NFXL1: variants seen among roughly 807,000 people sequenced by gnomAD.
The protein encoded by NFXL1 is nuclear transcription factor, X-box binding like 1, also known as NF-X1-type zinc finger protein NFXL1.
In NFXL1, 66 loss-of-function variants were observed where a neutral mutation model predicts 123.3. The observed-to-expected ratio is 0.54, with a 90% CI of 0.44 to 0.66. The LOEUF (loss-of-function observed/expected upper bound fraction) is 0.66, where lower values mean the gene tolerates loss of function less well. NFXL1 is among the 30% of genes least tolerant of loss of function. NFXL1 has a pLI of 0.00. For synonymous variants in NFXL1, 346 were observed against 360.8 expected, an observed-to-expected ratio of 0.96 and a Z score of 0.46; for missense variants, 944 against 1,125.6, an observed-to-expected ratio of 0.84 and a Z score of 2.31.
At chr4:47,900,311 G>A (rs1737305400) in intron 5 of NFXL1, among the ~76,000 whole-genome samples, 1 of 152,082 alleles carries the variant, frequency 6.6e-6, no homozygotes, top group Non-Finnish European at 1.5e-5. Flanking sequence ...CTAGGTACAA[G>A]AAATTCTCGT....
chr4:47,901,484 T>A (rs1737353500), intron 5 of NFXL1, among the ~76,000 whole-genome samples: 1 of 152,108 alleles, frequency 6.6e-6, no homozygotes, highest in East Asian at 1.9e-4. Context: ...ATACATAAGG[T>A]TTAAATCTCT....
At chr4:47,862,818 C>T in intron 19 of NFXL1, 28 bp downstream of exon 19, 3 of 1,271,360 alleles carry the variant, frequency 2.4e-6, no homozygotes, top group South Asian at 2.6e-5. Flanking sequence ...CCAAGGAATA[C>T]AATTTAAAAG....
In NFXL1 at chr4:47,878,493, G is replaced by A. The variant is rs376928717; in HGVS notation, c.2079+32C>T. 1.4e-5 allele frequency: 21 copies of A among 1,467,340 alleles called. 1 individual carries two copies. The highest frequency in any genetic ancestry group is 3.7e-6 in the Non-Finnish European group (4 of 1,094,964). The allele number at this position is 1,467,340 out of a possible 1,614,324, so 90.9% of individuals were successfully genotyped here. On this transcript the variant is annotated intron_variant, in intron 17 of 22. Coordinates refer to ENST00000507489, the MANE Select transcript of NFXL1 (RefSeq NM_001278624.2). ...TGAAAAAACGTTTCAAGAATACTAT[G>A]GGCAGATATACATTCAATCTAAGAA... is the stretch of plus-strand genomic sequence containing the variant.
intron 14 of NFXL1, among the ~76,000 whole-genome samples, chr4:47,885,203 AG>A (rs1736352927): frequency 6.6e-6 from 1 of 152,000 alleles, no homozygotes; most frequent in South Asian, 2.1e-4. Flanking sequence ...CTTTAAAATA[AG>A]ATTATAGGAG....
In NFXL1 at chr4:47,914,018, G is replaced by A. The variant is rs995487782; in HGVS notation, c.186C>T (p.Ser62=). 3 of 1,548,524 alleles carry A rather than the reference G, an allele frequency of 1.9e-6. No individual in the cohort carries two copies. The change falls in exon 2 of 23, where the codon AGC becomes AGT. Residue 62 remains serine (S), a synonymous_variant. Coordinates refer to ENST00000507489, the MANE Select transcript of NFXL1 (RefSeq NM_001278624.2). ...CTTGGGATCCTGCGGGGCTGTGCCT[G>A]CTCCCTGCAGCCGCCGTGGTCGCGA... ...GGVATTAAAG[S]RHSPAGSQAL... is the part of the protein sequence containing the mutation.
chr4:47,912,557 C>T (rs1192691637), intron 2 of NFXL1, among the ~76,000 whole-genome samples: 1 of 149,170 alleles, frequency 6.7e-6, no homozygotes, highest in Non-Finnish European at 1.5e-5. Context: ...CTCCCGGGCT[C>T]ACGCCATTCT....
intron 3 of NFXL1, among the ~76,000 whole-genome samples, chr4:47,905,658 T>G (rs1737535264): frequency 6.7e-6 from 1 of 148,884 alleles, no homozygotes; most frequent in African/African-American, 2.5e-5. Flanking sequence ...AGCAGCAAGA[T>G]GTAAAGTCTT....
intron 19 of NFXL1, among the ~76,000 whole-genome samples, chr4:47,859,647 C>A (rs1032691436): frequency 6.6e-6 from 1 of 151,876 alleles, no homozygotes; most frequent in Non-Finnish European, 1.5e-5. Flanking sequence ...TCAAGACCAG[C>A]CTAGCCAACA....
chr4:47,854,957 G>C, intron 20 of NFXL1, 102 bp downstream of exon 20: 1 of 295,078 alleles, frequency 3.4e-6, no homozygotes, highest in Non-Finnish European at 6.0e-6. Flanking sequence ...AAAAAAAAAA[G>C]CCAAACAACT....
intron 19 of NFXL1, among the ~76,000 whole-genome samples, chr4:47,855,874 T>G: frequency 6.6e-6 from 1 of 152,152 alleles, no homozygotes; most frequent in East Asian, 1.9e-4. Context: ...AGCATTAAGA[T>G]GAAATGTTCA....
chr4:47,899,325 G>A (rs1438330782), intron 6 of NFXL1, 45 bp downstream of exon 6: 2 of 1,495,550 alleles, frequency 1.3e-6, no homozygotes, highest in Non-Finnish European at 1.8e-6. Context: ...AATATAAGAA[G>A]AAATAATCAC....
chr4:47,890,554 G>GA (rs373323033), intron 12 of NFXL1, 59 bp downstream of exon 12: 13,966 of 743,914 alleles, frequency 0.019, no homozygotes, highest in South Asian at 0.023. Context: ...TATTGACAAT[G>GA]AAAAAAAAAA....
chr4:47,899,135 A>G lies in NFXL1; in HGVS notation c.827-15T>C. ...AGGGCAGGGACCTAGAATTCAGTAAAAGCAAAAAAAAAAAAAAAAAAAAAA... is the reference window on the plus strand; with the variant it reads ...AGGGCAGGGACCTAGAATTCAGTAAGAGCAAAAAAAAAAAAAAAAAAAAAA... On this transcript the variant is annotated splice_polypyrimidine_tract_variant and intron_variant, in intron 6 of 22. Transcript: ENST00000507489. 7.2e-7 allele frequency: 1 copy of G among 1,395,584 alleles called. No individual in the cohort carries two copies. The highest frequency in any genetic ancestry group is 9.4e-7 in the Non-Finnish European group (1 of 1,066,252). 86.5% of individuals were successfully genotyped at this position (1,395,584 alleles called of 1,614,324 possible).
intron 17 of NFXL1, 112 bp downstream of exon 17, chr4:47,878,412 CA>C (rs552900260): frequency 4.9e-4 from 391 of 794,782 alleles, no homozygotes; most frequent in African/African-American, 4.9e-3. Flanking sequence ...GGGATGAGGG[CA>C]AAAAAAGAGA....
At chr4:47,884,473 G>T (rs112075301) in intron 14 of NFXL1, 36 bp from the exon 15 acceptor site, 1 of 1,295,376 alleles carries the variant, frequency 7.7e-7, no homozygotes, top group African/African-American at 1.5e-5. Flanking sequence ...TAAGTCAGAG[G>T]GATTAAATCA....
intron 22 of NFXL1, among the ~76,000 whole-genome samples, chr4:47,849,513 C>G (rs1291846354): frequency 2.6e-5 from 4 of 151,980 alleles, no homozygotes; most frequent in Non-Finnish European, 2.9e-5. Context: ...GGTCATAAAC[C>G]ACACTTGAAA....
chr4:47,847,870 A>C lies in NFXL1; in HGVS notation c.*293T>G. 1 of 215,262 alleles carries C rather than the reference A, an allele frequency of 4.6e-6. No individual in the cohort carries two copies. The highest frequency in any genetic ancestry group is 9.1e-6 in the Non-Finnish European group (1 of 109,944). 13.3% of individuals were successfully genotyped at this position (215,262 alleles called of 1,614,324 possible). On this transcript the variant is annotated 3_prime_UTR_variant, in exon 23 of 23. Coordinates refer to ENST00000507489, the MANE Select transcript of NFXL1 (RefSeq NM_001278624.2). ...GTGTTGGTTTGAATTATTAAATGAA[A>C]AAACTAAGTACAAGGAAGCCCAATG...
intron 4 of NFXL1, among the ~76,000 whole-genome samples, chr4:47,904,774 T>C (rs1737491420): frequency 6.6e-6 from 1 of 152,216 alleles, no homozygotes; most frequent in Non-Finnish European, 1.5e-5. Context: ...GACATGAGTT[T>C]TGTCTGAATC....
At chr4:47,899,575 G>C in intron 5 of NFXL1, 27 bp from the exon 6 acceptor site, 2 of 1,478,576 alleles carry the variant, frequency 1.4e-6, no homozygotes, top group Non-Finnish European at 1.9e-6. Context: ...AATTATTAAA[G>C]CTAACTTCAC....
Sources: allele counts gnomAD v4.1 joint callset (sites outside exome capture counted in the v4.1 genomes callset), GRCh38; gene constraint gnomAD v4.1.1; transcripts MANE v1.5; gene names NCBI Gene and HGNC (gene_info 2026-07-23, HGNC 2026-07-21).